The following PRKCE variants were observed in gnomAD, a reference collection of about 807,000 sequenced individuals.
PRKCE encodes protein kinase C epsilon, also known as protein kinase C epsilon type.
A neutral mutation model predicts 85.4 loss-of-function variants in PRKCE; 16 were observed. The ratio of observed to expected loss-of-function variants is 0.19; its 90% confidence interval spans 0.13 to 0.28. The LOEUF (loss-of-function observed/expected upper bound fraction) is 0.28, where lower values mean the gene tolerates loss of function less well. PRKCE is among the 10% of genes least tolerant of loss of function. PRKCE has a pLI of 1.00. For synonymous variants in PRKCE, 388 were observed against 371.5 expected (o/e 1.04, Z -0.51); for missense variants, 573 against 975.2 (o/e 0.59, Z 5.49).
chr2:46,117,873 C>CA (rs1252985721), intron 11 of PRKCE, among the ~76,000 whole-genome samples: 1 of 152,096 alleles, frequency 6.6e-6, no homozygotes, highest in African/African-American at 2.4e-5. Flanking sequence ...CTAAGGATGT[C>CA]AGGTTTTGAC....
At chr2:45,870,416 A>T (rs1396923658) in intron 2 of PRKCE, among the ~76,000 whole-genome samples, 1 of 152,202 alleles carries the variant, frequency 6.6e-6, no homozygotes, top group Non-Finnish European at 1.5e-5. Flanking sequence ...TTAAAGGTAT[A>T]ACTGGGGGGA....
intron 11 of PRKCE, among the ~76,000 whole-genome samples, chr2:46,087,215 G>C (rs980458679): frequency 6.6e-6 from 1 of 151,240 alleles, no homozygotes; most frequent in African/African-American, 2.4e-5. Flanking sequence ...CTAGAACTTG[G>C]TGAAACCAAG....
At chr2:46,078,952 G>A (rs944963810) in intron 10 of PRKCE, 6 of 152,384 alleles carry the variant, frequency 3.9e-5, no homozygotes, top group African/African-American at 1.4e-4. Flanking sequence ...GCCGAAGCAA[G>A]TGGATCACGA....
chr2:46,125,374 T>TG (rs1263858080), intron 11 of PRKCE, among the ~76,000 whole-genome samples: 1 of 152,140 alleles, frequency 6.6e-6, no homozygotes, highest in Non-Finnish European at 1.5e-5. Flanking sequence ...ACAGTGACTT[T>TG]GGGGGGACAT....
At chr2:46,099,457 T>C (rs1160381861) in intron 11 of PRKCE, among the ~76,000 whole-genome samples, 2 of 151,792 alleles carry the variant, frequency 1.3e-5, no homozygotes, top group African/African-American at 4.8e-5. Flanking sequence ...ACCCTGTACC[T>C]TTGCTTAGGA....
At chr2:46,121,969 TC>T (rs1322930548) in intron 11 of PRKCE, among the ~76,000 whole-genome samples, 1 of 152,162 alleles carries the variant, frequency 6.6e-6, no homozygotes, top group Non-Finnish European at 1.5e-5. Context: ...TCACCCTTTT[TC>T]CCTCCTTCCC....
Position 45,692,177 on chromosome 2 carries a change from G to C in PRKCE, c.348+39729G>C, listed in dbSNP as rs897829456. ...GGTAAATAAGATGCAGCTCCCACCT[G>C]TCTTAGTTTCCCAGGACTGCCATAA... is the stretch of plus-strand genomic sequence containing the variant. On this transcript the variant is annotated intron_variant, in intron 1 of 14. Transcript: ENST00000306156. Among the ~76,000 whole-genome samples the C allele has an allele frequency of 5.9e-5, 9 of 152,230 alleles. No individual in the cohort carries two copies. In the Middle Eastern group the frequency reaches 0.01, roughly 173 times the overall value.
Position 46,152,585 on chromosome 2 carries a change from G to T in PRKCE, c.1920+1356G>T, listed in dbSNP as rs1022939147. ...TTTTTTCAAGATGGAGTGTTGCTTT[G>T]TTACCCAGGCTGGAGTGCAGTGGCG... On this transcript the variant is annotated intron_variant, in intron 13 of 14. Coordinates refer to ENST00000306156, the MANE Select transcript of PRKCE (RefSeq NM_005400.3). 1.3e-5 allele frequency among the ~76,000 whole-genome samples: 2 copies of T among 150,490 alleles called. 1 individual carries two copies. The highest frequency in any genetic ancestry group is 4.2e-4 in the South Asian group (2 of 4,706).
chr2:45,811,478 C>T (rs185607168), intron 1 of PRKCE, among the ~76,000 whole-genome samples: 226 of 152,242 alleles, frequency 1.5e-3, no homozygotes, highest in Middle Eastern at 3.4e-3. Flanking sequence ...ATAGAAAGGA[C>T]GAATGGTCTC....
rs530668540 is a variant in PRKCE, at chr2:45,685,904, G to A, written c.348+33456G>A. Among the ~76,000 whole-genome samples, 5 of 152,310 alleles carry A rather than the reference G, an allele frequency of 3.3e-5. No homozygotes were observed. In the South Asian group the frequency reaches 6.2e-4, roughly 19 times the overall value. On this transcript the variant is annotated intron_variant, in intron 1 of 14. Transcript: ENST00000306156. ...GCAATTTAGTCACTGCCTATCCACG[G>A]ATAGAACCCTGACTATTCAGTAGTC...
intron 3 of PRKCE, 100 bp downstream of exon 3, chr2:45,976,688 T>C (rs1328849120): frequency 1.5e-5 from 21 of 1,378,600 alleles, no homozygotes; most frequent in Admixed American, 2.0e-5. Context: ...AGAATGCTGG[T>C]GTGCCTCGTT....
chr2:45,751,851 T>C (rs1435230429), intron 1 of PRKCE, among the ~76,000 whole-genome samples: 1 of 127,192 alleles, frequency 7.9e-6, no homozygotes, highest in Non-Finnish European at 1.6e-5. Flanking sequence ...GGAGGCTCGC[T>C]CTGTCGCCCA....
At chr2:46,180,798 C>T (rs547847207) in intron 14 of PRKCE, among the ~76,000 whole-genome samples, 5 of 152,288 alleles carry the variant, frequency 3.3e-5, no homozygotes, top group South Asian at 2.1e-4. Flanking sequence ...GGAAAGACCA[C>T]GGCTTAAAGA....
At chr2:45,768,248 G>A (rs781082116) in intron 1 of PRKCE, among the ~76,000 whole-genome samples, 2 of 152,212 alleles carry the variant, frequency 1.3e-5, no homozygotes, top group African/African-American at 2.4e-5. Flanking sequence ...TTGAAAAGCT[G>A]TTACAGTGCT....
rs1391406953 is a variant in PRKCE, at chr2:46,185,054, C to T, written c.*173C>T. The T allele has an allele frequency of 7.0e-6, 6 of 856,932 alleles. No individual in the cohort carries two copies. Among genetic ancestry groups the T allele is most frequent in the African/African-American group, 1.7e-5 (1 of 58,546 alleles). The allele number at this position is 856,932 out of a possible 1,614,324, so 53.1% of individuals were successfully genotyped here. On this transcript the variant is annotated 3_prime_UTR_variant, in exon 15 of 15. Transcript: ENST00000306156. The surrounding 1 kb of genome is among the most constrained non-coding windows in gnomAD (Gnocchi z 4.7). ...CCCAGGCCACCTCCTCCCCCTCCCA[C>T]CTGGTGACCAGAAGGCGCTCTCGGT...
At chr2:45,980,776 T>C (rs1702826495) in intron 5 of PRKCE, among the ~76,000 whole-genome samples, 1 of 151,008 alleles carries the variant, frequency 6.6e-6, no homozygotes, top group Non-Finnish European at 1.5e-5. Context: ...GATGGGGGAG[T>C]GGTGTGGAAT....
At position 45,683,558 on chromosome 2, in the gene PRKCE, C is replaced by G. The variant is rs939315294; in HGVS notation, c.348+31110C>G. Among the ~76,000 whole-genome samples the G allele has an allele frequency of 3.9e-5, 6 of 152,182 alleles. No individual in the cohort carries two copies. In the South Asian group the frequency reaches 1.2e-3, roughly 32 times the overall value. ...AGAGGATGCTGAAGGATTTTGCTCT[C>G]AAGTACCTTTGCTTCTAGTTGGAAA... On this transcript the variant is annotated intron_variant, in intron 1 of 14. Coordinates refer to ENST00000306156, the MANE Select transcript of PRKCE (RefSeq NM_005400.3).
intron 2 of PRKCE, among the ~76,000 whole-genome samples, chr2:45,881,127 T>G (rs1206468350): frequency 8.0e-6 from 1 of 125,500 alleles, no homozygotes; most frequent in African/African-American, 3.2e-5. Flanking sequence ...CACTCCAGCC[T>G]GGGCGACAGA....
chr2:45,688,019 G>A (rs1677437018), intron 1 of PRKCE, among the ~76,000 whole-genome samples: 1 of 152,174 alleles, frequency 6.6e-6, no homozygotes, highest in African/African-American at 2.4e-5. Flanking sequence ...TCTAGCTCTG[G>A]CCCTCTGGCA....
Sources: allele counts gnomAD v4.1 joint callset (sites outside exome capture counted in the v4.1 genomes callset), GRCh38; gene constraint gnomAD v4.1.1; non-coding constraint Gnocchi (gnomAD v3.1); transcripts MANE v1.5; gene names NCBI Gene and HGNC (gene_info 2026-07-23, HGNC 2026-07-21).